MICAL2: variants seen among roughly 807,000 people sequenced by gnomAD.
MICAL2 encodes microtubule associated monooxygenase, calponin and LIM domain containing 2, also known as [F-actin]-monooxygenase MICAL2.
Under a neutral mutation model 127.3 loss-of-function variants are expected in MICAL2, and 77 were observed. The ratio of observed to expected loss-of-function variants is 0.60; its 90% CI spans 0.50 to 0.73. MICAL2 has a LOEUF of 0.73. Ranked by LOEUF, MICAL2 falls within the 30% of genes least tolerant of loss-of-function variation. The pLI is 0.00. For synonymous variants in MICAL2, 570 were observed against 551.1 expected, an observed-to-expected ratio of 1.03 and a Z score of -0.48; for missense variants, 1,351 against 1,434.4, an observed-to-expected ratio of 0.94 and a Z score of 0.94.
chr11:12,160,423 C>A (rs983317593), intron 2 of MICAL2, among the ~76,000 whole-genome samples: 1 of 152,144 alleles, frequency 6.6e-6, no homozygotes. Context: ...CCTCACCACC[C>A]ACTGGAGAGG....
chr11:12,156,895 A>G (rs1019886646), intron 2 of MICAL2, among the ~76,000 whole-genome samples: 2 of 152,238 alleles, frequency 1.3e-5, no homozygotes, highest in Non-Finnish European at 2.9e-5. Flanking sequence ...TGTGGGGGGA[A>G]CACCCCACTT....
At chr11:12,160,988 G>A (rs184931849) in intron 2 of MICAL2, among the ~76,000 whole-genome samples, 8 of 152,214 alleles carry the variant, frequency 5.3e-5, no homozygotes, top group Non-Finnish European at 1.2e-4. Flanking sequence ...CAGAGCTGCC[G>A]TGAGGCCTGC....
chr11:12,146,618 T>G (rs1326146422), intron 2 of MICAL2, among the ~76,000 whole-genome samples: 1 of 152,236 alleles, frequency 6.6e-6, no homozygotes, highest in East Asian at 1.9e-4. Context: ...TTGGTGGGAC[T>G]GTAAACTAGT....
intron 8 of MICAL2, 45 bp from the exon 9 acceptor site, chr11:12,220,156 C>G: frequency 1.2e-6 from 2 of 1,609,734 alleles, no homozygotes; most frequent in Non-Finnish European, 1.7e-6. Flanking sequence ...GAAGGCTAGC[C>G]CTTTAGAGGG....
chr11:12,213,115 C>T, intron 6 of MICAL2, 140 bp from the exon 7 acceptor site: 1 of 964,336 alleles, frequency 1.0e-6, no homozygotes, highest in South Asian at 2.1e-5. Context: ...GGTATTTCTG[C>T]CCGCTCCTGT....
intron 34 of MICAL2, among the ~76,000 whole-genome samples, chr11:12,356,879 T>A (rs1208584328): frequency 1.3e-5 from 2 of 152,220 alleles, no homozygotes; most frequent in Non-Finnish European, 2.9e-5. Flanking sequence ...GTCTTATGTT[T>A]ATACATAGGG....
intron 3 of MICAL2, among the ~76,000 whole-genome samples, chr11:12,194,581 A>G (rs1367027172): frequency 1.3e-5 from 2 of 152,180 alleles, no homozygotes; most frequent in Admixed American, 6.5e-5. Flanking sequence ...CTTTGAATAT[A>G]TGTTGACTCA....
intron 24 of MICAL2, among the ~76,000 whole-genome samples, chr11:12,269,139 G>A (rs557495406): frequency 2.6e-5 from 4 of 152,312 alleles, no homozygotes; most frequent in East Asian, 3.9e-4. Context: ...GCAGCTGGAC[G>A]GGGATTGTTT....
In MICAL2 at chr11:12,251,577, TAAAAAAAAAAAAAAAA is replaced by T. The variant is rs536942703; in HGVS notation, c.2847+2343_2847+2358del. ...CCTTAAGGGTGCTTCCATTTCACTT[TAAAAAAAAAAAAAAAA>T]AAAAAAAAAAAGGAATGTCACCCTC... On this transcript the variant is annotated intron_variant, in intron 22 of 27. Coordinates refer to ENST00000683283, the MANE Select transcript of MICAL2 (RefSeq NM_001282663.2). 8.5e-5 allele frequency among the ~76,000 whole-genome samples: 8 copies of T among 93,840 alleles called. No homozygotes were observed. The South Asian group carries it at 3.2e-3, about 38-fold the overall frequency. 61.6% of individuals were successfully genotyped at this position (93,840 alleles called of 152,430 possible).
downstream of MICAL2, chr11:12,293,505 TATAA>T: frequency 6.6e-7 from 1 of 1,524,692 alleles, no homozygotes. Flanking sequence ...GCTTTCATCA[TATAA>T]ATAAATGATG....
chr11:12,303,298 G>A (rs1052085588), intron 29 of MICAL2, among the ~76,000 whole-genome samples: 1 of 152,174 alleles, frequency 6.6e-6, no homozygotes, highest in Non-Finnish European at 1.5e-5. Flanking sequence ...TCATGTAGAT[G>A]TTCTCGCTTA....
chr11:12,276,043 C>G, upstream of MICAL2: 1 of 399,248 alleles, frequency 2.5e-6, no homozygotes. Flanking sequence ...CACAGTGATG[C>G]GGAAGGGGAC....
intron 2 of MICAL2, among the ~76,000 whole-genome samples, chr11:12,152,160 T>G: frequency 7.0e-6 from 1 of 142,966 alleles, no homozygotes; most frequent in Non-Finnish European, 1.5e-5. Context: ...CAGCTGGGCC[T>G]GGTGGGAGGC....
At chr11:12,179,973 C>T (rs1311190840) in intron 3 of MICAL2, among the ~76,000 whole-genome samples, 1 of 152,200 alleles carries the variant, frequency 6.6e-6, no homozygotes, top group East Asian at 1.9e-4. Flanking sequence ...ATATTATCAG[C>T]TCTGTTTCGT....
chr11:12,347,563 G>T (rs985038850), intron 32 of MICAL2, among the ~76,000 whole-genome samples: 3 of 152,062 alleles, frequency 2.0e-5, no homozygotes, highest in Non-Finnish European at 4.4e-5. Flanking sequence ...TAAATAATTT[G>T]GGATATTGCA....
rs1857057459 is a variant in MICAL2, at chr11:12,223,438, C to G, written c.1477C>G (p.Leu493Val). 6.2e-7 allele frequency: 1 copy of G among 1,613,936 alleles called. No individual in the cohort carries two copies. The highest frequency in any genetic ancestry group is 1.3e-5 in the African/African-American group (1 of 74,908). ...QVKHLYITKE[L>V]EHYPLERLGS... ...GAAGCATTTGTATATCACTAAGGAG[C>G]TGGAGCACTACCCTCTCGAGAGACT... The change falls in exon 12 of 28, where the codon CTG becomes GTG. Residue 493 changes from leucine to valine, a missense_variant. By Grantham distance (32) the Leu-to-Val change is conservative (BLOSUM62 1). Transcript: ENST00000683283.
intron 3 of MICAL2, among the ~76,000 whole-genome samples, chr11:12,191,266 A>G (rs1859061578): frequency 6.6e-6 from 1 of 152,098 alleles, no homozygotes; most frequent in African/African-American, 2.4e-5. Flanking sequence ...GGAGTTCAAG[A>G]CCAGCCTGGC....
chr11:12,242,335 C>G lies in MICAL2; in HGVS notation c.2459C>G (p.Thr820Arg). ...AAGTCTGACCTACAGCTGGGTGGGACAGAAAATTTCGCTACCCTGCCTTCT... is the reference window on the plus strand; with the variant it reads ...AAGTCTGACCTACAGCTGGGTGGGAGAGAAAATTTCGCTACCCTGCCTTCT... ...RAKSDLQLGG[T>R]ENFATLPSTR... is the part of the protein sequence containing the mutation. The change falls in exon 19 of 28, where the codon ACA becomes AGA. Residue 820 changes from threonine (T) to arginine (R), a missense_variant. Around this residue, in one of 2 missense-constraint regions of MICAL2, gnomAD observed 752 missense variants for 719.4 expected, o/e 1.05. Coordinates refer to ENST00000683283, the MANE Select transcript of MICAL2 (RefSeq NM_001282663.2). The G allele has an allele frequency of 1.2e-6, 2 of 1,614,150 alleles. No homozygotes were observed. The highest frequency in any genetic ancestry group is 1.1e-5 in the South Asian group (1 of 91,088).
chr11:12,288,770 G>A (rs1265371198), downstream of MICAL2, among the ~76,000 whole-genome samples: 1 of 152,152 alleles, frequency 6.6e-6, no homozygotes, highest in African/African-American at 2.4e-5. Context: ...TCAGGCTGCC[G>A]CCCCTAGAGG....
Sources: gnomAD v4.1 joint callset for allele counts (sites outside exome capture counted in the v4.1 genomes callset) on GRCh38, gnomAD v4.1.1 for gene constraint, gnomAD v4.1.1 regional missense constraint, MANE v1.5 for transcripts, NCBI Gene and HGNC (gene_info 2026-07-23, HGNC 2026-07-21) for gene names.